Variants in SUCLG2 observed in about 807,000 individuals in gnomAD.
The protein encoded by SUCLG2 is succinate--CoA ligase [GDP-forming] subunit beta, mitochondrial.
Under a neutral mutation model 47.9 loss-of-function variants are expected in SUCLG2, and 42 were observed. The ratio of observed to expected loss-of-function variants is 0.88; its 90% CI spans 0.69 to 1.14. SUCLG2 has a LOEUF of 1.14. Among genes scored for constraint, SUCLG2 ranks in the 50% most tolerant of loss-of-function variants. The probability of loss-of-function intolerance (pLI) is 0.00; values close to 1 mark genes in which losing one functional copy is unlikely to be tolerated. For missense variants in SUCLG2, 571 were observed against 525.9 expected, an observed-to-expected ratio of 1.09 and a Z score of -0.84; for synonymous variants, 195 against 197.3, an observed-to-expected ratio of 0.99 and a Z score of 0.10.
At chr3:67,445,082 G>GC (rs1335289332) in intron 9 of SUCLG2, among the ~76,000 whole-genome samples, 1 of 69,076 alleles carries the variant, frequency 1.4e-5, no homozygotes, top group Non-Finnish European at 3.3e-5. Flanking sequence ...GAAGTGAGGA[G>GC]CCCCTCTGCC....
intron 2 of SUCLG2, among the ~76,000 whole-genome samples, chr3:67,545,825 T>A (rs980683074): frequency 6.6e-6 from 1 of 152,166 alleles, no homozygotes; most frequent in Admixed American, 6.5e-5. Flanking sequence ...TTTGACTATA[T>A]CTCAGATAAC....
intron 2 of SUCLG2, among the ~76,000 whole-genome samples, chr3:67,550,758 C>T (rs765724269): frequency 8.5e-5 from 13 of 152,194 alleles, no homozygotes; most frequent in Non-Finnish European, 1.9e-4. Flanking sequence ...GGCCAGATGG[C>T]CTTGGATTAG....
At chr3:67,562,700 C>T (rs960828637) in intron 2 of SUCLG2, among the ~76,000 whole-genome samples, 1 of 152,312 alleles carries the variant, frequency 6.6e-6, no homozygotes, top group South Asian at 2.1e-4. Flanking sequence ...ATTTCCTTGT[C>T]TGTAAGAAGA....
At chr3:67,419,000 G>T (rs1703095069) in intron 9 of SUCLG2, among the ~76,000 whole-genome samples, 2 of 151,874 alleles carry the variant, frequency 1.3e-5, no homozygotes, top group African/African-American at 4.8e-5. Flanking sequence ...AAAAAAAAAG[G>T]TCTGCACAAT....
At chr3:67,579,110 A>C (rs1415436261) in intron 2 of SUCLG2, among the ~76,000 whole-genome samples, 4 of 152,244 alleles carry the variant, frequency 2.6e-5, no homozygotes, top group Non-Finnish European at 5.9e-5. Context: ...TATGTGCAAT[A>C]TCAGAATTTA....
downstream of SUCLG2, among the ~76,000 whole-genome samples, chr3:67,373,797 T>G (rs1701985533): frequency 6.6e-6 from 1 of 152,132 alleles, no homozygotes; most frequent in African/African-American, 2.4e-5. Context: ...GATGCTAAAT[T>G]TGAGAACCTC....
At chr3:67,430,611 C>A (rs1703450514) in intron 9 of SUCLG2, among the ~76,000 whole-genome samples, 1 of 152,060 alleles carries the variant, frequency 6.6e-6, no homozygotes. Flanking sequence ...CAGAGCAGAA[C>A]TGAAGGACAT....
At chr3:67,492,142 A>G (rs2107049312) in intron 9 of SUCLG2, among the ~76,000 whole-genome samples, 1 of 152,342 alleles carries the variant, frequency 6.6e-6, no homozygotes, top group East Asian at 1.9e-4. Flanking sequence ...ATCAAATCCA[A>G]TGAGGTGCCT....
Position 67,464,285 on chromosome 3 carries a change from A to C in SUCLG2, c.1062+31513T>G, listed in dbSNP as rs541231726. Among the ~76,000 whole-genome samples the C allele has an allele frequency of 1.1e-4, 16 of 152,338 alleles. No homozygotes were observed. The East Asian group carries it at 2.5e-3, about 24-fold the overall frequency. On this transcript the variant is annotated intron_variant, in intron 9 of 10. Transcript: ENST00000307227. ...GACAGCAAGAGCACCTCACATGCCC[A>C]AAAACAGAAAAATTCACAGCTCTAA...
At chr3:67,502,918 T>C (rs1474345067) in intron 7 of SUCLG2, among the ~76,000 whole-genome samples, 2 of 152,166 alleles carry the variant, frequency 1.3e-5, no homozygotes, top group Admixed American at 6.5e-5. Context: ...AAATAGGCTG[T>C]TGGTGACTCT....
chr3:67,557,570 C>A (rs941710718), intron 2 of SUCLG2, among the ~76,000 whole-genome samples: 1 of 152,094 alleles, frequency 6.6e-6, no homozygotes, highest in African/African-American at 2.4e-5. Flanking sequence ...TTTGAACTTA[C>A]TTTATTCTGT....
chr3:67,472,828 T>C (rs1472160280), intron 9 of SUCLG2, among the ~76,000 whole-genome samples: 1 of 152,194 alleles, frequency 6.6e-6, no homozygotes, highest in Non-Finnish European at 1.5e-5. Context: ...GATAATGATA[T>C]ACTTCAAATT....
chr3:67,363,295 T>C (rs1701830288), intron 10 of SUCLG2, among the ~76,000 whole-genome samples: 1 of 152,234 alleles, frequency 6.6e-6, no homozygotes, highest in Non-Finnish European at 1.5e-5. Flanking sequence ...TCCATAGTTA[T>C]TAAAGCAAAG....
At chr3:67,640,802 C>T (rs1701089282) in intron 1 of SUCLG2, among the ~76,000 whole-genome samples, 1 of 152,238 alleles carries the variant, frequency 6.6e-6, no homozygotes, top group Middle Eastern at 3.4e-3. Context: ...TGATTGCATG[C>T]TGATTGTTCT....
intron 6 of SUCLG2, chr3:67,514,282 C>A: frequency 2.3e-6 from 1 of 426,594 alleles, no homozygotes; most frequent in Non-Finnish European, 4.7e-6. Context: ...AAAACTTATC[C>A]AGGAAGGAAA....
intron 7 of SUCLG2, among the ~76,000 whole-genome samples, chr3:67,503,761 T>C (rs995134407): frequency 6.6e-6 from 1 of 152,234 alleles, no homozygotes; most frequent in East Asian, 1.9e-4. Context: ...TGATAGATTA[T>C]ACAAATGTAT....
In SUCLG2 at chr3:67,376,036, T is replaced by A. The variant is rs56871157; in HGVS notation, c.1184-177A>T. On this transcript the variant is annotated intron_variant, in intron 10 of 10. Coordinates refer to ENST00000307227, the MANE Select transcript of SUCLG2 (RefSeq NM_003848.4). ...TTATGTGATGAAATTTATCTCAAGC[T>A]GTGGTCCAGCTAGAAAAGAAGATGA... 4.4e-3 allele frequency: 4,329 copies of A among 985,426 alleles called. 108 individuals are homozygous for A. The African/African-American group carries it at 0.048, about 11-fold the overall frequency. The allele number at this position is 985,426 out of a possible 1,614,324, so 61.0% of individuals were successfully genotyped here.
intron 1 of SUCLG2, among the ~76,000 whole-genome samples, chr3:67,623,517 G>A (rs1017707399): frequency 3.3e-5 from 5 of 151,872 alleles, no homozygotes; most frequent in Non-Finnish European, 5.9e-5. Context: ...CAAAAAATAA[G>A]AAAGAAAAGA....
rs540502039 is a variant in SUCLG2, at chr3:67,407,631, C to T, written c.1063-6780G>A. 3.9e-5 allele frequency among the ~76,000 whole-genome samples: 6 copies of T among 152,264 alleles called. No homozygotes were observed. In the South Asian group the frequency reaches 6.2e-4, roughly 16 times the overall value. ...GTATTTAAAAACACTGTAGCATATA[C>T]GTGAAGCACAGTAAGTGCAACTATT... On this transcript the variant is annotated intron_variant, in intron 9 of 10. Coordinates refer to ENST00000307227, the MANE Select transcript of SUCLG2 (RefSeq NM_003848.4).
Sources: allele counts gnomAD v4.1 joint callset (sites outside exome capture counted in the v4.1 genomes callset), GRCh38; gene constraint gnomAD v4.1.1; transcripts MANE v1.5; gene names NCBI Gene and HGNC (gene_info 2026-07-23, HGNC 2026-07-21).